BICC1: variants seen among roughly 807,000 people sequenced by gnomAD.
BICC1 encodes the protein BicC family RNA binding protein 1, also known as protein bicaudal C homolog 1.
BICC1 carries 43 observed loss-of-function variants against 111.0 expected under a neutral mutation model. The ratio of observed to expected loss-of-function variants is 0.39; its 90% CI spans 0.30 to 0.50. BICC1 has a LOEUF of 0.50. Among genes scored for constraint, BICC1 ranks in the 20% least tolerant of loss-of-function variants. The pLI, the probability that BICC1 is intolerant of heterozygous loss-of-function variation, is 0.88. For missense variants in BICC1, 1,091 were observed against 1,203.2 expected, an observed-to-expected ratio of 0.91 and a Z score of 1.38; for synonymous variants, 467 against 434.4, an observed-to-expected ratio of 1.07 and a Z score of -0.93.
chr10:58,527,940 A>C lies in BICC1; in HGVS notation c.190+14607A>C, dbSNP rs117353586. The stretch of plus-strand genomic sequence containing the variant: ...AGTTTCTCCCTTTACAAAACAGAAT[A>C]ATAATATGTCTCATGTAGGGTTATG... On this transcript the variant is annotated intron_variant, in intron 1 of 20. Coordinates refer to ENST00000373886, the MANE Select transcript of BICC1 (RefSeq NM_001080512.3). 1.2e-3 allele frequency among the ~76,000 whole-genome samples: 178 copies of C among 152,046 alleles called. 4 individuals carry two copies. In the East Asian group the frequency reaches 0.032, roughly 28 times the overall value.
intron 2 of BICC1, among the ~76,000 whole-genome samples, chr10:58,646,945 T>G (rs1260298690): frequency 4.6e-5 from 7 of 152,192 alleles, no homozygotes; most frequent in African/African-American, 1.7e-4. Flanking sequence ...TGTTTTTAAG[T>G]AAAAATGGTA....
intron 1 of BICC1, among the ~76,000 whole-genome samples, chr10:58,600,447 C>T (rs188319776): frequency 6.6e-6 from 1 of 152,238 alleles, no homozygotes; most frequent in African/African-American, 2.4e-5. Context: ...GGAAGGTAAG[C>T]ATTCAGGCTT....
intron 1 of BICC1, among the ~76,000 whole-genome samples, chr10:58,575,253 A>G (rs1198133383): frequency 6.6e-6 from 1 of 151,724 alleles, no homozygotes; most frequent in Non-Finnish European, 1.5e-5. Context: ...TCATTGTTCA[A>G]CTCCCACTTA....
chr10:58,669,439 A>G (rs1839115427), intron 2 of BICC1, among the ~76,000 whole-genome samples: 1 of 152,132 alleles, frequency 6.6e-6, no homozygotes, highest in African/African-American at 2.4e-5. Context: ...TAAAAGGACA[A>G]TTTGACCCTT....
chr10:58,770,337 T>A (rs1842589805), intron 3 of BICC1, among the ~76,000 whole-genome samples: 1 of 152,136 alleles, frequency 6.6e-6, no homozygotes, highest in South Asian at 2.1e-4. Context: ...TATGTCCCAT[T>A]TTTTATTGCT....
At chr10:58,661,009 A>C (rs1564538112) in intron 2 of BICC1, among the ~76,000 whole-genome samples, 4 of 152,160 alleles carry the variant, frequency 2.6e-5, no homozygotes, top group Admixed American at 2.6e-4. Flanking sequence ...GTAAGTTCTC[A>C]TTAATTGTGA....
At chr10:58,718,370 T>C (rs923669121) in intron 3 of BICC1, among the ~76,000 whole-genome samples, 3 of 152,298 alleles carry the variant, frequency 2.0e-5, no homozygotes, top group Middle Eastern at 3.4e-3. Context: ...TATGACTTAA[T>C]CACCTTCCAA....
At chr10:58,602,280 T>C (rs1390160613) in intron 1 of BICC1, among the ~76,000 whole-genome samples, 1 of 152,174 alleles carries the variant, frequency 6.6e-6, no homozygotes, top group Non-Finnish European at 1.5e-5. Flanking sequence ...GGAATAAGAA[T>C]AAAGTTATGG....
At chr10:58,690,651 G>T in intron 2 of BICC1, among the ~76,000 whole-genome samples, 1 of 152,178 alleles carries the variant, frequency 6.6e-6, no homozygotes, top group East Asian at 1.9e-4. Flanking sequence ...TGCTCACCCA[G>T]TAGAGCCTAC....
At chr10:58,736,209 A>G (rs1841461575) in intron 3 of BICC1, among the ~76,000 whole-genome samples, 1 of 152,176 alleles carries the variant, frequency 6.6e-6, no homozygotes, top group Admixed American at 6.6e-5. Context: ...TATGTGGTCA[A>G]TAAGTAAATC....
At chr10:58,653,869 C>G (rs571356692) in intron 2 of BICC1, among the ~76,000 whole-genome samples, 1 of 140,236 alleles carries the variant, frequency 7.1e-6, no homozygotes, top group South Asian at 2.4e-4. Flanking sequence ...GTGTGATATT[C>G]CCCTTCCTGT....
chr10:58,688,836 A>C (rs547179322), intron 2 of BICC1, among the ~76,000 whole-genome samples: 2 of 152,138 alleles, frequency 1.3e-5, no homozygotes, highest in African/African-American at 4.8e-5. Context: ...CAATGAGAAC[A>C]TATGGGCACA....
At chr10:58,671,750 T>G (rs1264259619) in intron 2 of BICC1, among the ~76,000 whole-genome samples, 1 of 152,092 alleles carries the variant, frequency 6.6e-6, no homozygotes, top group African/African-American at 2.4e-5. Context: ...CTATTATACT[T>G]CCCAAATTGC....
At chr10:58,716,515 G>A (rs1003896160) in intron 3 of BICC1, among the ~76,000 whole-genome samples, 3 of 152,122 alleles carry the variant, frequency 2.0e-5, no homozygotes, top group African/African-American at 7.2e-5. Context: ...AACTCTGGGA[G>A]ATAATACACT....
At chr10:58,655,136 T>C (rs1838592192) in intron 2 of BICC1, among the ~76,000 whole-genome samples, 2 of 142,580 alleles carry the variant, frequency 1.4e-5, no homozygotes, top group Admixed American at 1.4e-4. Flanking sequence ...AGCTTTATTC[T>C]TTTGGCTTAA....
intron 2 of BICC1, among the ~76,000 whole-genome samples, chr10:58,676,420 A>T (rs1045200867): frequency 2.0e-5 from 3 of 152,130 alleles, no homozygotes; most frequent in Non-Finnish European, 4.4e-5. Context: ...TCAATCTGGG[A>T]TGCTCGAGCT....
Position 58,798,480 on chromosome 10 carries a change from G to A in BICC1, c.1448G>A (p.Ser483Asn). 1 of 1,613,382 alleles carries A rather than the reference G, an allele frequency of 6.2e-7. No individual in the cohort carries two copies. ...SLLNALNSSV[S>N]PLQSPSSGTP... ...TTGAATGCTCTTAATAGCTCAGTCAGTCCTTTGCAAAGTCCAAGTTCTGGT... is the reference window on the plus strand; with the variant it reads ...TTGAATGCTCTTAATAGCTCAGTCAATCCTTTGCAAAGTCCAAGTTCTGGT... Residue 483 changes from serine to asparagine, a missense_variant, in exon 11 of 21, where the codon AGT becomes AAT. By Grantham distance (46) the Ser-to-Asn change is conservative (BLOSUM62 1). This residue lies in a region of BICC1 where 843 missense variants were observed against 900.8 expected (regional missense o/e 0.94). Transcript: ENST00000373886.
Position 58,789,870 on chromosome 10 carries a change from G to T in BICC1, c.984G>T (p.Lys328Asn). 6.2e-7 allele frequency: 1 copy of T among 1,614,124 alleles called. No individual in the cohort carries two copies. Among genetic ancestry groups the T allele is most frequent in the Non-Finnish European group, 8.5e-7 (1 of 1,180,016 alleles). The change falls in exon 8 of 21, where the codon AAG (lysine) becomes AAT (asparagine). Residue 328 changes from lysine (K) to asparagine (N), a missense_variant. By Grantham distance (94) the Lys-to-Asn change is moderately conservative. Transcript: ENST00000373886. Reference protein sequence around the residue: ...IHFPDPSNPQKKSTVYLQGTI... With the variant: ...IHFPDPSNPQNKSTVYLQGTI... ...TTCCTGATCCCAGTAATCCACAAAA[G>T]AAATCTACCGTCTACCTCCAGGGCA... is the stretch of plus-strand genomic sequence containing the variant.
chr10:58,559,646 G>A (rs1013732448), intron 1 of BICC1, among the ~76,000 whole-genome samples: 4 of 152,022 alleles, frequency 2.6e-5, no homozygotes, highest in Non-Finnish European at 4.4e-5. Context: ...TGGTAAAAGT[G>A]GATATCCTTT....
Sources: allele counts gnomAD v4.1 joint callset (sites outside exome capture counted in the v4.1 genomes callset), GRCh38; gene constraint gnomAD v4.1.1; regional missense constraint gnomAD v4.1.1; transcripts MANE v1.5; gene names NCBI Gene and HGNC (gene_info 2026-07-23, HGNC 2026-07-21).